The following PLA2G6 variants were observed in gnomAD, a reference collection of about 807,000 sequenced individuals.
The protein encoded by PLA2G6 is phospholipase A2 group VI.
A neutral mutation model predicts 83.8 loss-of-function variants in PLA2G6; 62 were observed. That is an observed-to-expected ratio of 0.74 (90% CI 0.60 to 0.91). The LOEUF (loss-of-function observed/expected upper bound fraction) is 0.91. Among genes scored for constraint, PLA2G6 ranks in the 40% least tolerant of loss-of-function variants. The pLI is 0.00. For synonymous variants in PLA2G6, 417 were observed against 449.8 expected (o/e 0.93, Z 0.92); for missense variants, 944 against 1,102.0 (o/e 0.86, Z 2.03).
At chr22:38,133,493 T>G (rs2076118) in intron 6 of PLA2G6, 65,561 of 183,868 alleles carry the variant, frequency 0.36, 13,187 homozygotes, top group South Asian at 0.44. Flanking sequence ...TGCCTGCGCT[T>G]GGATGGGTCA....
intron 15 of PLA2G6, among the ~76,000 whole-genome samples, chr22:38,113,130 C>G (rs1357368732): frequency 6.6e-6 from 1 of 152,208 alleles, no homozygotes; most frequent in Non-Finnish European, 1.5e-5. Context: ...TGGTCTCAAA[C>G]TGCTGTGCTC....
chr22:38,156,991 A>G (rs555391863), intron 2 of PLA2G6, among the ~76,000 whole-genome samples: 1 of 152,332 alleles, frequency 6.6e-6, no homozygotes, highest in East Asian at 1.9e-4. Context: ...TACTAAGAGG[A>G]AAGTTGTACC....
chr22:38,155,810 G>A (rs961135273), intron 2 of PLA2G6, among the ~76,000 whole-genome samples: 1 of 152,162 alleles, frequency 6.6e-6, no homozygotes, highest in African/African-American at 2.4e-5. Flanking sequence ...AAAGTGGCAG[G>A]AGTAAGTCCT....
chr22:38,174,710 C>G (rs1217276810), intron 1 of PLA2G6, among the ~76,000 whole-genome samples: 2 of 152,292 alleles, frequency 1.3e-5, no homozygotes, highest in South Asian at 2.1e-4. Flanking sequence ...AGGCAGAGAT[C>G]AGGGGCTTGC....
In PLA2G6 at chr22:38,123,682, A is replaced by G. The variant is rs11570730; in HGVS notation, c.1428-424T>C. 0.098 allele frequency among the ~76,000 whole-genome samples: 14,910 copies of G among 151,890 alleles called. 823 individuals carry two copies. The highest frequency in any genetic ancestry group is 0.15 in the East Asian group (761 of 5,166). ...CCAGGCCAGGAATGGGCAGTGACAG[A>G]GTATCAGGGCCTCCACACAAGGTGG... On this transcript the variant is annotated intron_variant, in intron 10 of 16. Transcript: ENST00000332509. The surrounding 1 kb of genome is among the most constrained non-coding windows in gnomAD (Gnocchi z 4.1).
intron 12 of PLA2G6, among the ~76,000 whole-genome samples, chr22:38,117,191 C>T (rs1183447023): frequency 2.0e-5 from 3 of 152,106 alleles, no homozygotes; most frequent in South Asian, 2.1e-4. Context: ...GGGTCAAGTT[C>T]GCCCACGAGC....
At chr22:38,160,957 T>C (rs750897456) in intron 2 of PLA2G6, among the ~76,000 whole-genome samples, 1 of 152,056 alleles carries the variant, frequency 6.6e-6, no homozygotes, top group East Asian at 1.9e-4. Flanking sequence ...TAGATTCGAG[T>C]GGTGGTTACA....
chr22:38,120,676 A>T, intron 12 of PLA2G6, 83 bp downstream of exon 12: 2 of 1,512,098 alleles, frequency 1.3e-6, no homozygotes, highest in South Asian at 2.2e-5. Flanking sequence ...CCCCTCCCTC[A>T]GCAGGACAGG....
In PLA2G6 at chr22:38,113,499, C is replaced by A; in HGVS notation, c.2190G>T (p.Met730Ile). The A allele has an allele frequency of 6.2e-7, 1 of 1,614,064 alleles. No individual in the cohort carries two copies. The highest frequency in any genetic ancestry group is 1.1e-5 in the South Asian group (1 of 91,088). The change falls in exon 15 of 17, where the codon ATG becomes ATT. Residue 730 changes from methionine to isoleucine, a missense_variant. Met to Ile is a conservative substitution (Grantham distance 10, BLOSUM62 1). Coordinates refer to ENST00000332509, the MANE Select transcript of PLA2G6 (RefSeq NM_003560.4). Reference protein sequence around the residue: ...TVFGAKELGKMVVDCCTDPDG... With the variant: ...TVFGAKELGKIVVDCCTDPDG... ...GGCCCACACTCACACAGTCCACCACCATCTTGCCCAGTTCCTTGGCCCCAA... is the reference window on the plus strand; with the variant it reads ...GGCCCACACTCACACAGTCCACCACAATCTTGCCCAGTTCCTTGGCCCCAA...
intron 12 of PLA2G6, among the ~76,000 whole-genome samples, chr22:38,120,044 C>G (rs1422182057): frequency 6.6e-6 from 1 of 152,104 alleles, no homozygotes; most frequent in Non-Finnish European, 1.5e-5. Flanking sequence ...GATGCCGGGC[C>G]CCTAAGACTG....
At chr22:38,142,952 G>A (rs2089008052) in intron 4 of PLA2G6, 153 bp downstream of exon 4, 2 of 773,890 alleles carry the variant, frequency 2.6e-6, no homozygotes, top group Non-Finnish European at 4.7e-6. Flanking sequence ...GAGCCAGGGA[G>A]GGGTCTGCAC....
chr22:38,130,809 C>A (rs1207493204), intron 7 of PLA2G6: 1 of 151,726 alleles, frequency 6.6e-6, no homozygotes, highest in Admixed American at 6.6e-5. Context: ...CAAGACCAGC[C>A]TGACCAACAT....
At chr22:38,164,362 G>A (rs1270736553) in intron 2 of PLA2G6, among the ~76,000 whole-genome samples, 1 of 152,218 alleles carries the variant, frequency 6.6e-6, no homozygotes, top group African/African-American at 2.4e-5. Flanking sequence ...CTGACCAGCT[G>A]TGTGATCTCA....
At chr22:38,116,431 A>G in intron 12 of PLA2G6, 1 of 708,726 alleles carries the variant, frequency 1.4e-6, no homozygotes, top group East Asian at 2.8e-5. Context: ...CAATTCAGCA[A>G]AAGTTGGTTT....
intron 2 of PLA2G6, chr22:38,163,527 A>C (rs1159825470): frequency 5.9e-6 from 1 of 169,604 alleles, no homozygotes; most frequent in Non-Finnish European, 1.5e-5. Flanking sequence ...ACAGATGTGG[A>C]AACAGACCCA....
chr22:38,162,838 G>C (rs1048770220), intron 2 of PLA2G6, among the ~76,000 whole-genome samples: 2 of 152,158 alleles, frequency 1.3e-5, no homozygotes, highest in African/African-American at 4.8e-5. Flanking sequence ...GAGGCTGCGG[G>C]GCAAGCGGGT....
At chr22:38,112,341 T>C (rs2086914199) in intron 16 of PLA2G6, 36 bp from the exon 17 acceptor site, 1 of 1,609,060 alleles carries the variant, frequency 6.2e-7, no homozygotes, top group African/African-American at 1.3e-5. Flanking sequence ...CACCCTAGGA[T>C]GCTCAGGCTG....
chr22:38,163,556 G>A (rs2090100314), intron 2 of PLA2G6: 1 of 169,674 alleles, frequency 5.9e-6, no homozygotes, highest in Non-Finnish European at 1.5e-5. Context: ...TAAGGCAAGA[G>A]GGGCTGTGTC....
intron 1 of PLA2G6, among the ~76,000 whole-genome samples, chr22:38,176,378 G>T (rs1019257675): frequency 6.6e-6 from 1 of 152,164 alleles, no homozygotes; most frequent in Non-Finnish European, 1.5e-5. Flanking sequence ...GCTTGGCCAC[G>T]TGGGGGATTC....
Sources: allele counts gnomAD v4.1 joint callset (sites outside exome capture counted in the v4.1 genomes callset), GRCh38; gene constraint gnomAD v4.1.1; non-coding constraint Gnocchi (gnomAD v3.1); transcripts MANE v1.5; gene names NCBI Gene and HGNC (gene_info 2026-07-23, HGNC 2026-07-21).